Variants in RANBP17 observed in about 807,000 individuals in gnomAD.
RANBP17 encodes the protein RAN binding protein 17, also known as ran-binding protein 17.
RANBP17 carries 158 observed loss-of-function variants against 141.2 expected under a neutral mutation model. The ratio of observed to expected loss-of-function variants is 1.12; its 90% CI spans 0.98 to 1.28. The LOEUF (loss-of-function observed/expected upper bound fraction) is 1.28. RANBP17 is among the 50% of genes most tolerant of loss of function. RANBP17 has a pLI of 0.00. For missense variants in RANBP17, 1,438 were observed against 1,290.7 expected (o/e 1.11, Z -1.75); for synonymous variants, 430 against 450.0 (o/e 0.96, Z 0.56).
chr5:171,073,927 A>G (rs1013782271), intron 14 of RANBP17, among the ~76,000 whole-genome samples: 16 of 152,044 alleles, frequency 1.1e-4, no homozygotes, highest in African/African-American at 3.9e-4. Flanking sequence ...CCATACTGAT[A>G]TAAACAAATG....
intron 14 of RANBP17, among the ~76,000 whole-genome samples, chr5:170,975,354 C>T (rs940025547): frequency 2.0e-5 from 3 of 151,968 alleles, no homozygotes; most frequent in Admixed American, 6.6e-5. Context: ...TATGGTGAAA[C>T]ACTGTCTCTA....
chr5:171,019,140 G>C (rs1780661974), intron 14 of RANBP17, among the ~76,000 whole-genome samples: 1 of 152,142 alleles, frequency 6.6e-6, no homozygotes, highest in South Asian at 2.1e-4. Flanking sequence ...TTTTTGATGT[G>C]CTGCTGGATT....
At chr5:171,204,305 A>T (rs954712228) in intron 19 of RANBP17, among the ~76,000 whole-genome samples, 1 of 152,216 alleles carries the variant, frequency 6.6e-6, no homozygotes, top group African/African-American at 2.4e-5. Context: ...GGCAGAAAGA[A>T]TGGAGAAGAT....
chr5:171,055,929 A>G (rs1018422464), intron 14 of RANBP17, among the ~76,000 whole-genome samples: 2 of 151,480 alleles, frequency 1.3e-5, no homozygotes, highest in East Asian at 3.9e-4. Flanking sequence ...ACACTTGTGC[A>G]AGTAAAACTA....
intron 13 of RANBP17, among the ~76,000 whole-genome samples, chr5:170,964,379 T>C (rs972428502): frequency 6.6e-6 from 1 of 150,480 alleles, no homozygotes; most frequent in South Asian, 2.1e-4. Context: ...TAATGGAATG[T>C]TTTTTTGTTG....
At chr5:171,141,277 T>C (rs952642227) in intron 14 of RANBP17, among the ~76,000 whole-genome samples, 1 of 151,786 alleles carries the variant, frequency 6.6e-6, no homozygotes, top group Admixed American at 6.6e-5. Flanking sequence ...TATTTAAAGT[T>C]GGTTTATTAA....
At position 171,042,575 on chromosome 5, in the gene RANBP17, T is replaced by C. The variant is rs147022659; in HGVS notation, c.1710+74198T>C. Among the ~76,000 whole-genome samples, 775 of 152,306 alleles carry C rather than the reference T, an allele frequency of 5.1e-3. 7 individuals are homozygous for C. Among genetic ancestry groups the C allele is most frequent in the Non-Finnish European group, 8.8e-3 (598 of 68,018 alleles). ...AAAGAGGAAATTTTCCTTTTACTTA[T>C]ATTTTGAGGATGATTGGGAACATCA... On this transcript the variant is annotated intron_variant, in intron 14 of 27. Transcript: ENST00000523189.
intron 14 of RANBP17, among the ~76,000 whole-genome samples, chr5:171,122,121 A>G (rs931565072): frequency 6.6e-6 from 1 of 152,182 alleles, no homozygotes; most frequent in African/African-American, 2.4e-5. Context: ...ACGCAGATCC[A>G]GTCCACACAG....
At chr5:170,945,772 T>A (rs1056378696) in intron 12 of RANBP17, among the ~76,000 whole-genome samples, 6 of 152,186 alleles carry the variant, frequency 3.9e-5, no homozygotes, top group Non-Finnish European at 8.8e-5. Context: ...TATTTTAAAT[T>A]CAGCTATATC....
intron 14 of RANBP17, among the ~76,000 whole-genome samples, chr5:171,101,783 G>A (rs1198502909): frequency 6.6e-6 from 1 of 152,162 alleles, no homozygotes; most frequent in Admixed American, 6.5e-5. Flanking sequence ...TTGTAAGGCA[G>A]GCCTAGTGGT....
chr5:170,934,298 T>A (rs1404122674), intron 12 of RANBP17, among the ~76,000 whole-genome samples: 1 of 152,228 alleles, frequency 6.6e-6, no homozygotes, highest in Non-Finnish European at 1.5e-5. Flanking sequence ...ATTTTGAGCC[T>A]ATGTGTGTCT....
chr5:171,181,694 T>C (rs1760871100), intron 16 of RANBP17, among the ~76,000 whole-genome samples: 1 of 152,204 alleles, frequency 6.6e-6, no homozygotes. Flanking sequence ...ATACTAATTG[T>C]TTATCTTTTG....
At chr5:171,089,310 G>A (rs1025630528) in intron 14 of RANBP17, among the ~76,000 whole-genome samples, 1 of 108,844 alleles carries the variant, frequency 9.2e-6, no homozygotes, top group African/African-American at 3.0e-5. Flanking sequence ...GAGGCAGTCT[G>A]CCCGTTCTCA....
At chr5:171,061,513 T>G (rs1368772612) in intron 14 of RANBP17, among the ~76,000 whole-genome samples, 6 of 152,224 alleles carry the variant, frequency 3.9e-5, no homozygotes, top group Middle Eastern at 3.4e-3. Context: ...TTGATTGCAC[T>G]GTGGTCTGAG....
At chr5:171,167,291 A>T (rs1759770376) in intron 14 of RANBP17, among the ~76,000 whole-genome samples, 1 of 152,192 alleles carries the variant, frequency 6.6e-6, no homozygotes, top group Admixed American at 6.6e-5. Context: ...TGAAATGTTT[A>T]AAATCACATT....
Position 171,252,618 on chromosome 5 carries a change from T to C in RANBP17, c.2776+9798T>C, listed in dbSNP as rs1346995124. 5.1e-6 allele frequency: 7 copies of C among 1,360,890 alleles called. No homozygotes were observed. The Admixed American group carries it at 1.0e-4, about 20-fold the overall frequency. 84.3% of individuals were successfully genotyped at this position (1,360,890 alleles called of 1,614,324 possible). A position where few individuals can be genotyped will look rare whatever the true frequency, so the allele number is the denominator to read the frequency against. On this transcript the variant is annotated intron_variant, in intron 24 of 27. Coordinates refer to ENST00000523189, the MANE Select transcript of RANBP17 (RefSeq NM_022897.5). ...GATTTAAATATAAGGATCAACTTCA[T>C]CGATTTACAAAACTCTCTTACCAGG...
intron 13 of RANBP17, among the ~76,000 whole-genome samples, chr5:170,964,945 T>C (rs1776433766): frequency 6.6e-6 from 1 of 152,182 alleles, no homozygotes; most frequent in South Asian, 2.1e-4. Context: ...ATGGTATTTC[T>C]AGTTCTAGAT....
intron 9 of RANBP17, among the ~76,000 whole-genome samples, chr5:170,917,928 A>G (rs1772110153): frequency 6.6e-6 from 1 of 152,050 alleles, no homozygotes; most frequent in Admixed American, 6.6e-5. Flanking sequence ...AATAGGTACT[A>G]TTTTCTATAT....
rs1233674852 is a variant in RANBP17, at chr5:171,259,165, T to C, written c.2777-6516T>C. On this transcript the variant is annotated intron_variant, in intron 24 of 27. Transcript: ENST00000523189. ...AGAGAAATGCAAATCAAAACCACAG[T>C]GAGATACCATCTTACCCCTGTCAGA... Among the ~76,000 whole-genome samples the C allele has an allele frequency of 5.9e-5, 9 of 152,026 alleles. No individual in the cohort carries two copies. The East Asian group carries it at 1.7e-3, about 29-fold the overall frequency.
Sources: gnomAD v4.1 joint callset for allele counts (sites outside exome capture counted in the v4.1 genomes callset) on GRCh38, gnomAD v4.1.1 for gene constraint, MANE v1.5 for transcripts, NCBI Gene and HGNC (gene_info 2026-07-23, HGNC 2026-07-21) for gene names.